GATAD2B: variants seen among roughly 807,000 people sequenced by gnomAD.
The protein encoded by GATAD2B is GATA zinc finger domain containing 2B, also known as transcriptional repressor p66-beta.
A neutral mutation model predicts 64.3 loss-of-function variants in GATAD2B; 8 were observed. The observed-to-expected ratio is 0.12, with a 90% CI of 0.07 to 0.22. The LOEUF (loss-of-function observed/expected upper bound fraction) is 0.22. Ranked by LOEUF, GATAD2B falls within the 10% of genes least tolerant of loss-of-function variation. The pLI, the probability that GATAD2B is intolerant of heterozygous loss-of-function variation, is 1.00. For synonymous variants in GATAD2B, 281 were observed against 271.3 expected (o/e 1.04, Z -0.35); for missense variants, 453 against 752.0 (o/e 0.60, Z 4.65).
chr1:153,843,157 C>T (rs1460517359), intron 1 of GATAD2B, among the ~76,000 whole-genome samples: 1 of 149,322 alleles, frequency 6.7e-6, no homozygotes, highest in Non-Finnish European at 1.5e-5. Context: ...TTTTAAGAGA[C>T]AGTATCTCAC....
chr1:153,861,112 A>C (rs531532875), intron 1 of GATAD2B, among the ~76,000 whole-genome samples: 1 of 152,314 alleles, frequency 6.6e-6, no homozygotes, highest in African/African-American at 2.4e-5. Flanking sequence ...GCTGAGAGTA[A>C]GTCGGAAGAA....
chr1:153,837,298 C>G (rs1467278623), intron 1 of GATAD2B, among the ~76,000 whole-genome samples: 1 of 151,306 alleles, frequency 6.6e-6, no homozygotes, highest in Non-Finnish European at 1.5e-5. Flanking sequence ...GAAGACTAGC[C>G]TAGGCAACAG....
At chr1:153,886,369 T>C (rs1677184295) in intron 1 of GATAD2B, 1 of 152,198 alleles carries the variant, frequency 6.6e-6, no homozygotes, top group Non-Finnish European at 1.5e-5. Context: ...TGGTAAGTAT[T>C]TGTTTAAACA....
intron 3 of GATAD2B, 125 bp from the exon 4 acceptor site, chr1:153,819,047 G>C (rs911559382): frequency 1.1e-6 from 1 of 927,498 alleles, no homozygotes; most frequent in Admixed American, 2.5e-5. Flanking sequence ...GTGGCAATAG[G>C]ATTATCTTTG....
At chr1:153,910,219 T>A (rs1027484174) in intron 1 of GATAD2B, among the ~76,000 whole-genome samples, 1 of 152,188 alleles carries the variant, frequency 6.6e-6, no homozygotes, top group East Asian at 1.9e-4. Context: ...TCATGGTGAA[T>A]TGGTAAGCTA....
rs373398515 is a variant in GATAD2B at position 153,832,150 on chromosome 1, G to A, written c.-1-3802C>T. ...GGATCACTTGAACCCGGGAGGCAGA[G>A]GTTTCAGTGAGCCAAGATCGCACCA... On this transcript the variant is annotated intron_variant, in intron 1 of 10. Coordinates refer to ENST00000368655, the MANE Select transcript of GATAD2B (RefSeq NM_020699.4). 1.6e-4 allele frequency among the ~76,000 whole-genome samples: 25 copies of A among 152,216 alleles called. No individual in the cohort carries two copies. In the South Asian group the frequency reaches 2.9e-3, roughly 18 times the overall value.
Position 153,817,442 on chromosome 1 carries a change from C to T in GATAD2B, c.830G>A (p.Arg277Gln), listed in dbSNP as rs754896479. The T allele has an allele frequency of 1.9e-6, 3 of 1,612,558 alleles. No individual in the cohort carries two copies. Among genetic ancestry groups the T allele is most frequent in the Non-Finnish European group, 2.5e-6 (3 of 1,179,542 alleles). The change falls in exon 6 of 11, where the codon CGG becomes CAG. Residue 277 changes from arginine to glutamine, a missense_variant. Arg to Gln is a conservative substitution (Grantham distance 43). Around this residue, in one of 2 missense-constraint regions of GATAD2B, gnomAD observed 293 missense variants for 417.2 expected, o/e 0.70. Coordinates refer to ENST00000368655, the MANE Select transcript of GATAD2B (RefSeq NM_020699.4). ...APNPAQLQGQ[R>Q]GPPKPGLVRT... ...TACAAGGCCAGGCTTAGGCGGGCCC[C>T]GCTGACCCTGTAGCTGGGCTGGGTT...
intron 1 of GATAD2B, among the ~76,000 whole-genome samples, chr1:153,887,917 T>C (rs1321002727): frequency 1.3e-5 from 2 of 151,882 alleles, no homozygotes. Flanking sequence ...TGAAACCCTG[T>C]CTCTACTAAA....
intron 1 of GATAD2B, among the ~76,000 whole-genome samples, chr1:153,850,267 A>G (rs1483998040): frequency 3.3e-5 from 5 of 152,046 alleles, no homozygotes; most frequent in Non-Finnish European, 7.4e-5. Context: ...AGCTGGTGAT[A>G]ATAATTTAAA....
At chr1:153,825,662 G>A (rs569755277) in intron 2 of GATAD2B, among the ~76,000 whole-genome samples, 2 of 152,120 alleles carry the variant, frequency 1.3e-5, no homozygotes, top group Admixed American at 6.5e-5. Context: ...CTGACCTCAG[G>A]TGATCCACCC....
In GATAD2B at chr1:153,910,849, T is replaced by A. The variant is rs146789209; in HGVS notation, c.-2+11884A>T. On this transcript the variant is annotated intron_variant, in intron 1 of 10. Transcript: ENST00000368655. ...CATTTCGAACACATTTAAGGTAAGC[T>A]AGGCTAAGCTATGACGTTTAGTAGG... is the stretch of plus-strand genomic sequence containing the variant. 1.1e-4 allele frequency among the ~76,000 whole-genome samples: 16 copies of A among 152,336 alleles called. No homozygotes were observed. The East Asian group carries it at 2.9e-3, about 28-fold the overall frequency.
At chr1:153,811,357 T>G (rs142688437) in intron 10 of GATAD2B, among the ~76,000 whole-genome samples, 59 of 152,244 alleles carry the variant, frequency 3.9e-4, no homozygotes, top group African/African-American at 1.3e-3. Context: ...GACAGAGAGA[T>G]AGAATCATTA....
intron 1 of GATAD2B, among the ~76,000 whole-genome samples, chr1:153,864,354 C>T (rs561391641): frequency 6.6e-6 from 1 of 152,298 alleles, no homozygotes; most frequent in South Asian, 2.1e-4. Flanking sequence ...TTTAGGTTCA[C>T]ATGTGTAATT....
chr1:153,856,534 TA>T (rs1166579665), intron 1 of GATAD2B, among the ~76,000 whole-genome samples: 6 of 152,302 alleles, frequency 3.9e-5, no homozygotes, highest in African/African-American at 1.4e-4. Context: ...ATTTTCAATT[TA>T]AAATTTAAAA....
chr1:153,866,718 T>G (rs1676487204), intron 1 of GATAD2B, among the ~76,000 whole-genome samples: 1 of 152,220 alleles, frequency 6.6e-6, no homozygotes, highest in African/African-American at 2.4e-5. Flanking sequence ...AAAAGCAGAA[T>G]GGGTACAGAA....
chr1:153,821,139 G>C (rs968860513), intron 2 of GATAD2B, among the ~76,000 whole-genome samples: 2 of 151,778 alleles, frequency 1.3e-5, no homozygotes, highest in African/African-American at 4.8e-5. Context: ...ACACCACTGT[G>C]CCTGGCTAAT....
intron 1 of GATAD2B, among the ~76,000 whole-genome samples, chr1:153,859,907 CTTTTTTT>C (rs34557576): frequency 6.4e-4 from 39 of 60,892 alleles, no homozygotes; most frequent in South Asian, 3.8e-3. Context: ...CTTTTCTTTT[CTTTTTTT>C]TTTTTTTTTT....
chr1:153,921,745 C>T (rs1259585573), intron 1 of GATAD2B: 2 of 152,264 alleles, frequency 1.3e-5, no homozygotes, highest in African/African-American at 2.4e-5. Context: ...CACCCACCAC[C>T]AAGCCTCCAT....
chr1:153,916,198 T>C (rs1202603378), intron 1 of GATAD2B, among the ~76,000 whole-genome samples: 1 of 151,228 alleles, frequency 6.6e-6, no homozygotes, highest in African/African-American at 2.4e-5. Flanking sequence ...GAACAATCAC[T>C]TGAACCCAGG....
Sources: gnomAD v4.1 joint callset for allele counts (sites outside exome capture counted in the v4.1 genomes callset) on GRCh38, gnomAD v4.1.1 for gene constraint, gnomAD v4.1.1 regional missense constraint, MANE v1.5 for transcripts, NCBI Gene and HGNC (gene_info 2026-07-23, HGNC 2026-07-21) for gene names.